FRRS1: variants seen among roughly 807,000 people sequenced by gnomAD.
The protein encoded by FRRS1 is ferric chelate reductase 1, also known as ferric reductase 1.
A neutral mutation model predicts 70.7 loss-of-function variants in FRRS1; 51 were observed. That is an observed-to-expected ratio of 0.72 (90% confidence interval 0.58 to 0.91). The LOEUF (loss-of-function observed/expected upper bound fraction) is 0.91. Among genes scored for constraint, FRRS1 ranks in the 40% least tolerant of loss-of-function variants. The pLI is 0.00. For synonymous variants in FRRS1, 225 were observed against 238.7 expected (o/e 0.94, Z 0.53); for missense variants, 672 against 726.0 (o/e 0.93, Z 0.86).
intron 4 of FRRS1, among the ~76,000 whole-genome samples, chr1:99,743,216 ATG>A (rs1656060025): frequency 6.6e-6 from 1 of 152,188 alleles, no homozygotes; most frequent in Non-Finnish European, 1.5e-5. Context: ...ATCCATTTAG[ATG>A]TTTACAATAC....
rs765482879 is a variant in FRRS1 at position 99,748,598 on chromosome 1, T to C, written c.171A>G (p.Thr57=). The C allele has an allele frequency of 4.3e-6, 7 of 1,614,110 alleles. No homozygotes were observed. The highest frequency in any genetic ancestry group is 1.3e-5 in the African/African-American group (1 of 75,060). Reference sequence around the variant, plus strand: ...CTTCAATCTGATCTCCTGGCCTGAATGTCATCTGACTCACGTAAATGTCAT... The same window carrying C: ...CTTCAATCTGATCTCCTGGCCTGAACGTCATCTGACTCACGTAAATGTCAT... The part of the protein sequence containing the change: ...PVHDIYVSQM[T]FRPGDQIEVT... The change falls in exon 3 of 17, where the codon ACA becomes ACG. Residue 57 remains threonine (T), a synonymous_variant. Coordinates refer to ENST00000646001, the MANE Select transcript of FRRS1 (RefSeq NM_001361041.2).
chr1:99,710,981 T>C, intron 14 of FRRS1, 32 bp from the exon 15 acceptor site: 2 of 1,593,882 alleles, frequency 1.3e-6, no homozygotes, highest in Non-Finnish European at 1.7e-6. Flanking sequence ...TACATTCAAA[T>C]GTAGTCCCAC....
intron 1 of FRRS1, 52 bp downstream of exon 1, chr1:99,766,555 T>C (rs1571169600): frequency 6.6e-6 from 1 of 152,370 alleles, no homozygotes; most frequent in East Asian, 1.9e-4. Context: ...GGATTTGATT[T>C]TTAACGCTTT....
At chr1:99,728,968 A>C (rs1158915355) in intron 8 of FRRS1, among the ~76,000 whole-genome samples, 4 of 152,266 alleles carry the variant, frequency 2.6e-5, no homozygotes, top group African/African-American at 7.2e-5. Flanking sequence ...ACATTGAAAT[A>C]AACAATTAAC....
At chr1:99,714,136 G>A (rs545782901) in intron 12 of FRRS1, among the ~76,000 whole-genome samples, 11 of 151,830 alleles carry the variant, frequency 7.2e-5, no homozygotes, top group African/African-American at 2.7e-4. Flanking sequence ...AAAATTGAGA[G>A]ACATTAGAGA....
intron 4 of FRRS1, among the ~76,000 whole-genome samples, chr1:99,742,945 A>G (rs912219526): frequency 1.3e-5 from 2 of 152,208 alleles, no homozygotes; most frequent in African/African-American, 4.8e-5. Flanking sequence ...TCCATCACCT[A>G]TCCCTCCCAT....
intron 9 of FRRS1, among the ~76,000 whole-genome samples, chr1:99,726,909 G>A (rs781520595): frequency 5.3e-5 from 8 of 152,058 alleles, no homozygotes; most frequent in Admixed American, 1.3e-4. Flanking sequence ...TTTGAATAGA[G>A]ACTTGGTTTT....
chr1:99,760,894 A>G (rs1571162469), intron 1 of FRRS1, among the ~76,000 whole-genome samples: 1 of 151,782 alleles, frequency 6.6e-6, no homozygotes, highest in Non-Finnish European at 1.5e-5. Flanking sequence ...CAGGTGATAC[A>G]CCTGCCTCGG....
chr1:99,709,638 T>C (rs920351166), intron 15 of FRRS1, among the ~76,000 whole-genome samples: 1 of 152,198 alleles, frequency 6.6e-6, no homozygotes, highest in Admixed American at 6.5e-5. Flanking sequence ...TAACATATGA[T>C]AACTATCCAG....
chr1:99,746,400 C>A (rs190524522), intron 4 of FRRS1, among the ~76,000 whole-genome samples: 2 of 152,258 alleles, frequency 1.3e-5, no homozygotes, highest in African/African-American at 4.8e-5. Context: ...AAACCCAAAA[C>A]AATAAATTCC....
rs2100982364 is a variant in FRRS1 at position 99,748,384 on chromosome 1, G to A, written c.196+189C>T. On this transcript the variant is annotated intron_variant, in intron 3 of 16. Transcript: ENST00000646001. ...ACGATAAAAACTTATTTTAAAGCCT[G>A]TTCTGGATGGGGAATACACAGACTA... is the stretch of plus-strand genomic sequence containing the variant. The A allele has an allele frequency of 9.9e-6, 5 of 504,036 alleles. No individual in the cohort carries two copies. The East Asian group carries it at 1.7e-4, about 17-fold the overall frequency. The allele number at this position is 504,036 out of a possible 1,614,324, so 31.2% of individuals were successfully genotyped here. A position where few individuals can be genotyped will look rare whatever the true frequency, so the allele number is the denominator to read the frequency against.
At chr1:99,747,750 C>T (rs1013335750) in intron 3 of FRRS1, 6 of 187,466 alleles carry the variant, frequency 3.2e-5, no homozygotes, top group Non-Finnish European at 5.5e-5. Context: ...ATGCTTATCA[C>T]CTGAGTGATG....
At chr1:99,757,318 T>C (rs1656887845) in intron 1 of FRRS1, among the ~76,000 whole-genome samples, 1 of 152,170 alleles carries the variant, frequency 6.6e-6, no homozygotes, top group Non-Finnish European at 1.5e-5. Context: ...GAACATTACT[T>C]TATGGCATGC....
intron 10 of FRRS1, 99 bp downstream of exon 10, chr1:99,719,435 T>C: frequency 1.6e-6 from 1 of 620,942 alleles, no homozygotes; most frequent in Non-Finnish European, 2.8e-6. Flanking sequence ...AAATGCTTTA[T>C]AAAAATTAGC....
At chr1:99,761,252 A>G (rs529470356) in intron 1 of FRRS1, among the ~76,000 whole-genome samples, 25 of 152,158 alleles carry the variant, frequency 1.6e-4, no homozygotes, top group Non-Finnish European at 3.1e-4. Context: ...TCACCCTCCC[A>G]AGTAGCTGGG....
chr1:99,713,454 C>T (rs1654371825), intron 12 of FRRS1, among the ~76,000 whole-genome samples: 1 of 152,180 alleles, frequency 6.6e-6, no homozygotes, highest in Non-Finnish European at 1.5e-5. Context: ...TCATAACTTC[C>T]TTAAAAAGAT....
At chr1:99,759,266 G>T (rs1260284894) in intron 1 of FRRS1, among the ~76,000 whole-genome samples, 2 of 152,120 alleles carry the variant, frequency 1.3e-5, no homozygotes, top group Non-Finnish European at 2.9e-5. Flanking sequence ...GGGGCATCAG[G>T]GTCCTACAGA....
intron 15 of FRRS1, 76 bp from the exon 16 acceptor site, chr1:99,709,335 T>C (rs1421383823): frequency 2.0e-6 from 2 of 994,780 alleles, no homozygotes; most frequent in Non-Finnish European, 3.1e-6. Flanking sequence ...AAACCTGATT[T>C]GTACTGTTCA....
rs755680896 is a variant in FRRS1, at chr1:99,738,114, G to A, written c.731C>T (p.Ser244Phe). 3.7e-6 allele frequency: 6 copies of A among 1,613,388 alleles called. No homozygotes were observed. The South Asian group carries it at 6.6e-5, about 18-fold the overall frequency. The change falls in exon 7 of 17, where the codon TCC (serine) becomes TTC (phenylalanine). Residue 244 changes from serine (S) to phenylalanine (F), a missense_variant. Ser to Phe is a radical substitution (Grantham distance 155, BLOSUM62 -2). Transcript: ENST00000646001. Reference sequence around the variant, plus strand: ...CCACTGATCATGAGACAATGCAAAGGATAAATAGCCTTTACTGGGGCCGCT... The same window carrying A: ...CCACTGATCATGAGACAATGCAAAGAATAAATAGCCTTTACTGGGGCCGCT... ...EMSGPSKGYL[S>F]FALSHDQWMG...
Sources: gnomAD v4.1 joint callset for allele counts (sites outside exome capture counted in the v4.1 genomes callset) on GRCh38, gnomAD v4.1.1 for gene constraint, MANE v1.5 for transcripts, NCBI Gene and HGNC (gene_info 2026-07-23, HGNC 2026-07-21) for gene names.